The following MYT1L variants were observed in gnomAD, a reference collection of about 807,000 sequenced individuals.
MYT1L encodes myelin transcription factor 1-like protein.
In MYT1L, 12 loss-of-function variants were observed where a neutral mutation model predicts 126.7. That is an observed-to-expected ratio of 0.09 (90% CI 0.06 to 0.15). The LOEUF (loss-of-function observed/expected upper bound fraction) is 0.15. Ranked by LOEUF, MYT1L falls within the 10% of genes least tolerant of loss-of-function variation. MYT1L has a pLI of 1.00. For synonymous variants in MYT1L, 541 were observed against 604.2 expected (o/e 0.90, Z 1.53); for missense variants, 979 against 1,585.2 (o/e 0.62, Z 6.49).
rs913478918 is a variant in MYT1L, at chr2:2,059,588, C to T, written c.-303-5465G>A. On this transcript the variant is annotated intron_variant, in intron 3 of 24. Coordinates refer to ENST00000647738, the MANE Select transcript of MYT1L (RefSeq NM_001303052.2). The surrounding 1 kb of genome is among the most constrained non-coding windows in gnomAD (Gnocchi z 4.7). ...CAAAGGCCTTGCACCAAAGCACAAACGGACGCAGGACTGCAGTTCGGCAGG... is the reference window on the plus strand; with the variant it reads ...CAAAGGCCTTGCACCAAAGCACAAATGGACGCAGGACTGCAGTTCGGCAGG... Among the ~76,000 whole-genome samples, 13 of 152,272 alleles carry T rather than the reference C, an allele frequency of 8.5e-5. No individual in the cohort carries two copies. The East Asian group carries it at 1.9e-3, about 23-fold the overall frequency.
At chr2:2,178,802 T>G (rs1370109566) in intron 2 of MYT1L, among the ~76,000 whole-genome samples, 8 of 152,152 alleles carry the variant, frequency 5.3e-5, no homozygotes, top group African/African-American at 1.9e-4. Flanking sequence ...AACGAACCTG[T>G]ACAGGGTCAA....
At chr2:2,136,554 C>A (rs2148092869) in intron 3 of MYT1L, among the ~76,000 whole-genome samples, 1 of 152,316 alleles carries the variant, frequency 6.6e-6, no homozygotes, top group African/African-American at 2.4e-5. Flanking sequence ...ACGTCCCAGC[C>A]TGTTAGCAGA....
At chr2:2,329,241 G>A (rs1414869249) in intron 1 of MYT1L, among the ~76,000 whole-genome samples, 2 of 149,962 alleles carry the variant, frequency 1.3e-5, no homozygotes, top group East Asian at 3.9e-4. Flanking sequence ...CAGTGAATTA[G>A]CAGCAGTCAA....
intron 1 of MYT1L, chr2:2,325,749 TAAC>T (rs1235988081): frequency 6.6e-6 from 1 of 152,290 alleles, no homozygotes; most frequent in Non-Finnish European, 1.5e-5. Flanking sequence ...GACTCATGTT[TAAC>T]AACAACTCCG....
chr2:2,220,475 G>T (rs1321025023), intron 2 of MYT1L, among the ~76,000 whole-genome samples: 4 of 152,160 alleles, frequency 2.6e-5, no homozygotes. Context: ...AAGTCTCATA[G>T]TGGCTGCCCT....
At chr2:1,839,620 G>C (rs910280226) in intron 20 of MYT1L, among the ~76,000 whole-genome samples, 1 of 152,238 alleles carries the variant, frequency 6.6e-6, no homozygotes, top group Non-Finnish European at 1.5e-5. Flanking sequence ...GGAACAAAGT[G>C]TATGTGCCTG....
At position 1,790,638 on chromosome 2, in the gene MYT1L, C is replaced by T. The variant is rs17338616; in HGVS notation, c.*1229G>A. On this transcript the variant is annotated 3_prime_UTR_variant, in exon 25 of 25. Transcript: ENST00000647738. ...CCACCCAAGTGTAGAACAGAAACGT[C>T]GTGGTAAGAGTCCTCTGAATAGGAC... The T allele has an allele frequency of 0.42, 64,146 of 151,888 alleles. 14,368 individuals are homozygous for T. Among genetic ancestry groups the T allele is most frequent in the Middle Eastern group, 0.57 (168 of 294 alleles). The allele number at this position is 151,888 out of a possible 1,614,324, so 9.4% of individuals were successfully genotyped here.
intron 1 of MYT1L, among the ~76,000 whole-genome samples, chr2:2,323,461 G>GA (rs1375971926): frequency 6.6e-6 from 1 of 152,122 alleles, no homozygotes; most frequent in African/African-American, 2.4e-5. Context: ...CAGTTAAAAT[G>GA]AAAAACCTTG....
At chr2:2,006,040 G>A (rs1462632057) in intron 4 of MYT1L, among the ~76,000 whole-genome samples, 2 of 148,098 alleles carry the variant, frequency 1.4e-5, no homozygotes, top group Non-Finnish European at 3.0e-5. Context: ...TCCTGCAGGT[G>A]TTCTTTCCTG....
At chr2:1,850,213 TTCCTTCCTTCCTTCCTTCCTTCCTTCC>T (rs2043072121) in intron 19 of MYT1L, among the ~76,000 whole-genome samples, 1 of 62,390 alleles carries the variant, frequency 1.6e-5, no homozygotes, top group African/African-American at 6.7e-5. Context: ...CCTTCCTTCC[TTCCTTCCTTCCTTCCTTCCTTCCTTCC>T]TTCCTTCCTT....
In MYT1L at chr2:1,848,041, C is replaced by T. The variant is rs918072864; in HGVS notation, c.2774+3600G>A. Reference sequence around the variant, plus strand: ...ATGGGCTCCAGTTGCAGCTCTGCTACTGAATCTCCTGGCCCCTCAGTTTCC... The same window carrying T: ...ATGGGCTCCAGTTGCAGCTCTGCTATTGAATCTCCTGGCCCCTCAGTTTCC... On this transcript the variant is annotated intron_variant, in intron 19 of 24. Coordinates refer to ENST00000647738, the MANE Select transcript of MYT1L (RefSeq NM_001303052.2). The surrounding 1 kb of genome is among the most constrained non-coding windows in gnomAD (Gnocchi z 4.8). Among the ~76,000 whole-genome samples, 6 of 152,194 alleles carry T rather than the reference C, an allele frequency of 3.9e-5. No homozygotes were observed. The highest frequency in any genetic ancestry group is 8.8e-5 in the Non-Finnish European group (6 of 68,038).
At chr2:2,238,017 C>T (rs559307529) in intron 2 of MYT1L, among the ~76,000 whole-genome samples, 12 of 152,248 alleles carry the variant, frequency 7.9e-5, no homozygotes, top group African/African-American at 2.4e-4. Context: ...CAGAAAGGCG[C>T]GTTATGATTC....
chr2:2,296,972 C>G (rs936204956), intron 1 of MYT1L, among the ~76,000 whole-genome samples: 4 of 152,200 alleles, frequency 2.6e-5, no homozygotes, highest in South Asian at 2.1e-4. Flanking sequence ...GCCAACACCC[C>G]CTTCCCAGGT....
intron 22 of MYT1L, among the ~76,000 whole-genome samples, chr2:1,803,072 C>T (rs1285439967): frequency 6.6e-6 from 1 of 152,044 alleles, no homozygotes; most frequent in African/African-American, 2.4e-5. Context: ...TCCTCTCTAC[C>T]AAGACGTTAG....
intron 22 of MYT1L, among the ~76,000 whole-genome samples, chr2:1,805,384 G>A (rs1461660089): frequency 6.6e-6 from 1 of 152,186 alleles, no homozygotes; most frequent in South Asian, 2.1e-4. Context: ...CTCACATGGA[G>A]GGAAGCTGCT....
chr2:1,839,374 T>A lies in MYT1L; in HGVS notation c.2859-4A>T. 6.2e-7 allele frequency: 1 copy of A among 1,610,632 alleles called. No homozygotes were observed. The highest frequency in any genetic ancestry group is 8.5e-7 in the Non-Finnish European group (1 of 1,177,966). ...GTCGCACCCGGGGACCGGACACCTG[T>A]AGGCAGGCAGAGGTGACACACTTTA... On this transcript the variant is annotated splice_region_variant and splice_polypyrimidine_tract_variant and intron_variant, in intron 20 of 24. Coordinates refer to ENST00000647738, the MANE Select transcript of MYT1L (RefSeq NM_001303052.2).
intron 3 of MYT1L, among the ~76,000 whole-genome samples, chr2:2,163,028 T>C (rs1482818563): frequency 1.3e-5 from 2 of 152,194 alleles, no homozygotes; most frequent in African/African-American, 4.8e-5. Context: ...AGGTCTTCAA[T>C]GGAGATCAGA....
In MYT1L at chr2:1,922,563, C is replaced by T; in HGVS notation, c.1206G>A (p.Glu402=). The part of the protein sequence containing the change: ...RSRVFASCAK[E]DGCHERDDDT... The stretch of plus-strand genomic sequence containing the variant: ...CGTCGTCCCGCTCATGACACCCATC[C>T]TCCTTCGCACAGCTGGCAAACACTC... Residue 402 remains glutamate, a synonymous_variant, in exon 10 of 25, where the codon GAG becomes GAA. Transcript: ENST00000647738. The surrounding 1 kb of genome is among the most constrained non-coding windows in gnomAD (Gnocchi z 7.4). The T allele has an allele frequency of 6.2e-7, 1 of 1,614,026 alleles. No individual in the cohort carries two copies. The highest frequency in any genetic ancestry group is 8.5e-7 in the Non-Finnish European group (1 of 1,179,904).
intron 2 of MYT1L, among the ~76,000 whole-genome samples, chr2:2,183,482 A>G (rs1014832368): frequency 1.8e-4 from 27 of 152,188 alleles, no homozygotes; most frequent in Non-Finnish European, 3.2e-4. Flanking sequence ...GAAGCAGTAT[A>G]AAAGAAACAT....
Sources: allele counts gnomAD v4.1 joint callset (sites outside exome capture counted in the v4.1 genomes callset), GRCh38; gene constraint gnomAD v4.1.1; non-coding constraint Gnocchi (gnomAD v3.1); transcripts MANE v1.5; gene names NCBI Gene and HGNC (gene_info 2026-07-23, HGNC 2026-07-21).